DLG2: variants seen among roughly 807,000 people sequenced by gnomAD.
DLG2 encodes the protein disks large homolog 2.
A neutral mutation model predicts 132.5 loss-of-function variants in DLG2; 45 were observed. The ratio of observed to expected loss-of-function variants is 0.34; its 90% CI spans 0.27 to 0.44. DLG2 has a LOEUF of 0.44. Among genes scored for constraint, DLG2 ranks in the 20% least tolerant of loss-of-function variants. The pLI, the probability that DLG2 is intolerant of heterozygous loss-of-function variation, is 1.00. For missense variants in DLG2, 1,045 were observed against 1,196.9 expected, an observed-to-expected ratio of 0.87 and a Z score of 1.87; for synonymous variants, 424 against 419.6, an observed-to-expected ratio of 1.01 and a Z score of -0.13.
intron 6 of DLG2, among the ~76,000 whole-genome samples, chr11:84,818,761 G>C (rs17147612): frequency 0.025 from 3,789 of 151,936 alleles, 178 homozygotes; most frequent in African/African-American, 0.087. Context: ...TATAGACACA[G>C]GGCTTGAGAA....
intron 16 of DLG2, among the ~76,000 whole-genome samples, chr11:83,846,895 G>A (rs1475499381): frequency 3.2e-5 from 4 of 125,608 alleles, no homozygotes; most frequent in East Asian, 2.3e-4. Context: ...CTCCACATAC[G>A]TTCTCACTTT....
chr11:84,722,858 A>C (rs1201910639), intron 6 of DLG2, among the ~76,000 whole-genome samples: 1 of 152,178 alleles, frequency 6.6e-6, no homozygotes, highest in Non-Finnish European at 1.5e-5. Flanking sequence ...TCCATTAGGA[A>C]TCAGTACTGA....
At chr11:84,857,029 A>G (rs559603102) in intron 6 of DLG2, among the ~76,000 whole-genome samples, 202 of 151,680 alleles carry the variant, frequency 1.3e-3, no homozygotes, top group African/African-American at 4.7e-3. Flanking sequence ...AGAAGGTCAA[A>G]GTAAGAAGAA....
intron 14 of DLG2, among the ~76,000 whole-genome samples, chr11:83,941,687 C>A (rs1018663366): frequency 2.0e-5 from 3 of 152,156 alleles, no homozygotes; most frequent in Non-Finnish European, 2.9e-5. Flanking sequence ...AGCCACCACA[C>A]CCGGTCTGCT....
chr11:85,373,231 T>C (rs1257802289), intron 3 of DLG2, among the ~76,000 whole-genome samples: 1 of 152,132 alleles, frequency 6.6e-6, no homozygotes, highest in Non-Finnish European at 1.5e-5. Context: ...GGCCTTGGAA[T>C]TTTTGAGCTG....
At position 85,618,596 on chromosome 11, in the gene DLG2, CA is replaced by C. The variant is rs533211850; in HGVS notation, c.-93+7990del. ...TGGACATAAAGACAGGAACAATAGA[CA>C]CTACGCAAGGGACTAGTGGGGCAAG... On this transcript the variant is annotated intron_variant, in intron 2 of 27. Coordinates refer to ENST00000376104, the MANE Select transcript of DLG2 (RefSeq NM_001142699.3). 1.6e-4 allele frequency among the ~76,000 whole-genome samples: 24 copies of C among 152,244 alleles called. No individual in the cohort carries two copies. In the South Asian group the frequency reaches 4.8e-3, roughly 30 times the overall value.
At chr11:84,747,282 TA>T (rs1393039788) in intron 6 of DLG2, among the ~76,000 whole-genome samples, 6 of 152,352 alleles carry the variant, frequency 3.9e-5, no homozygotes, top group African/African-American at 1.4e-4. Context: ...AATATTGGCA[TA>T]ACTTTTAAAT....
At chr11:85,147,653 C>T (rs1167385810) in intron 5 of DLG2, among the ~76,000 whole-genome samples, 1 of 152,170 alleles carries the variant, frequency 6.6e-6, no homozygotes, top group African/African-American at 2.4e-5. Flanking sequence ...TATAATTTTA[C>T]AGGTAAAGAA....
Position 84,994,771 on chromosome 11 carries a change from C to T in DLG2, c.357+116890G>A, listed in dbSNP as rs536155412. ...CCCCAAAGCCAAAAAGGGAGGCATC[C>T]ATAGAATAATTTACAGATAATGGGG... is the stretch of plus-strand genomic sequence containing the variant. On this transcript the variant is annotated intron_variant, in intron 6 of 27. Transcript: ENST00000376104. 2.0e-5 allele frequency among the ~76,000 whole-genome samples: 3 copies of T among 152,160 alleles called. No homozygotes were observed. In the Middle Eastern group the frequency reaches 0.01, roughly 518 times the overall value.
chr11:84,317,361 T>C (rs1175310393), intron 7 of DLG2: 2 of 1,391,774 alleles, frequency 1.4e-6, no homozygotes, highest in Non-Finnish European at 1.9e-6. Context: ...TCTTTGTCAA[T>C]AGATGACTCA....
At chr11:84,423,353 G>GTTCGACT (rs2098956667) in intron 7 of DLG2, among the ~76,000 whole-genome samples, 1 of 152,022 alleles carries the variant, frequency 6.6e-6, no homozygotes, top group African/African-American at 2.4e-5. Flanking sequence ...ATACTTAATA[G>GTTCGACT]TTCGACTTAA....
In DLG2 at chr11:85,339,945, T is replaced by C. The variant is rs557692022; in HGVS notation, c.41-54580A>G. 2.0e-5 allele frequency among the ~76,000 whole-genome samples: 3 copies of C among 152,280 alleles called. No individual in the cohort carries two copies. In the South Asian group the frequency reaches 6.2e-4, roughly 32 times the overall value. ...AAATCAAAACCACAATGAGATACCATCTCACGCCAGTTAGAATGGAGGTCA... is the reference window on the plus strand; with the variant it reads ...AAATCAAAACCACAATGAGATACCACCTCACGCCAGTTAGAATGGAGGTCA... On this transcript the variant is annotated intron_variant, in intron 3 of 27. Coordinates refer to ENST00000376104, the MANE Select transcript of DLG2 (RefSeq NM_001142699.3).
chr11:83,875,665 T>G (rs912387847), intron 15 of DLG2, among the ~76,000 whole-genome samples: 25 of 152,150 alleles, frequency 1.6e-4, no homozygotes, highest in African/African-American at 6.0e-4. Flanking sequence ...ATATTTTGGT[T>G]GAAACACTAT....
At chr11:85,177,447 A>C (rs962977545) in intron 4 of DLG2, among the ~76,000 whole-genome samples, 1 of 152,062 alleles carries the variant, frequency 6.6e-6, no homozygotes, top group Non-Finnish European at 1.5e-5. Context: ...ACATGTTCTC[A>C]CTTATAAGTG....
chr11:84,752,658 G>A lies in DLG2; in HGVS notation c.358-217927C>T, dbSNP rs867412954. On this transcript the variant is annotated intron_variant, in intron 6 of 27. Coordinates refer to ENST00000376104, the MANE Select transcript of DLG2 (RefSeq NM_001142699.3). ...ATGTATACATGTGCCATGCTGGTGC[G>A]CTGCACCCACTAACGCGTCATCTAG... Among the ~76,000 whole-genome samples the A allele has an allele frequency of 1.2e-4, 18 of 144,578 alleles. 1 individual carries two copies. The South Asian group carries it at 2.7e-3, about 21-fold the overall frequency. The allele number at this position is 144,578 out of a possible 152,430, so 94.8% of individuals were successfully genotyped here.
At chr11:84,647,898 T>A (rs936449217) in intron 6 of DLG2, among the ~76,000 whole-genome samples, 2 of 152,202 alleles carry the variant, frequency 1.3e-5, no homozygotes, top group Non-Finnish European at 2.9e-5. Context: ...TAATATTAAT[T>A]ACATCTACCA....
chr11:85,073,467 C>G (rs908354809), intron 6 of DLG2, among the ~76,000 whole-genome samples: 4 of 151,714 alleles, frequency 2.6e-5, no homozygotes, highest in Non-Finnish European at 4.4e-5. Flanking sequence ...TAAATTCAGG[C>G]AAAACTCTTA....
intron 7 of DLG2, among the ~76,000 whole-genome samples, chr11:84,513,046 A>T (rs951233674): frequency 6.6e-6 from 1 of 152,064 alleles, no homozygotes; most frequent in African/African-American, 2.4e-5. Flanking sequence ...TGCGGGGCTT[A>T]AAACCTAGAT....
chr11:85,434,351 G>A (rs527436274), intron 3 of DLG2, among the ~76,000 whole-genome samples: 47 of 149,402 alleles, frequency 3.1e-4, no homozygotes, highest in African/African-American at 1.1e-3. Flanking sequence ...ATAGAGACAC[G>A]AAAAACCCTT....
Sources: allele counts gnomAD v4.1 joint callset (sites outside exome capture counted in the v4.1 genomes callset), GRCh38; gene constraint gnomAD v4.1.1; transcripts MANE v1.5; gene names NCBI Gene and HGNC (gene_info 2026-07-23, HGNC 2026-07-21).